Variants in KLHDC4 observed in about 807,000 individuals in gnomAD.
KLHDC4 encodes the protein kelch domain containing 4, also known as kelch domain-containing protein 4.
Under a neutral mutation model 62.4 loss-of-function variants are expected in KLHDC4, and 90 were observed. The ratio of observed to expected loss-of-function variants is 1.44; its 90% confidence interval spans 1.22 to 1.72. KLHDC4 has a LOEUF of 1.72. Ranked by LOEUF, KLHDC4 falls within the 40% of genes most tolerant of loss-of-function variation. The pLI, the probability that KLHDC4 is intolerant of heterozygous loss-of-function variation, is 0.00. For synonymous variants in KLHDC4, 386 were observed against 284.4 expected, an observed-to-expected ratio of 1.36 and a Z score of -3.59; for missense variants, 1,025 against 699.7, an observed-to-expected ratio of 1.47 and a Z score of -5.25.
Position 87,711,331 on chromosome 16 carries a change from AC to A in KLHDC4, c.947del (p.Cys316LeufsTer32). 1 of 1,614,024 alleles carries A rather than the reference AC, an allele frequency of 6.2e-7. No individual in the cohort carries two copies. The highest frequency in any genetic ancestry group is 1.1e-5 in the South Asian group (1 of 91,080). ...NHQTLFFGGV[C>X]DEEEEESLSG... Reference sequence around the variant, plus strand: ...ACAGGCTCTCCTCCTCTTCCTCGTCACAGACACCCCCGAAGAACAGTGTCTG... The same window carrying A: ...ACAGGCTCTCCTCCTCTTCCTCGTCAAGACACCCCCGAAGAACAGTGTCTG... On this transcript the variant is annotated frameshift_variant, in exon 9 of 12. Transcript: ENST00000270583. LOFTEE classifies it high-confidence loss of function.
downstream of KLHDC4, among the ~76,000 whole-genome samples, chr16:87,704,156 C>G (rs1301595224): frequency 6.6e-6 from 1 of 152,242 alleles, no homozygotes; most frequent in African/African-American, 2.4e-5. Context: ...ACGGCGCCGC[C>G]ACCTCACTCC....
intron 4 of KLHDC4, among the ~76,000 whole-genome samples, chr16:87,753,357 C>A (rs1010687899): frequency 3.9e-5 from 6 of 152,216 alleles, no homozygotes; most frequent in Non-Finnish European, 5.9e-5. Flanking sequence ...AAAGATGTCA[C>A]TGACCACACA....
At chr16:87,757,925 C>T (rs1004621583) in intron 2 of KLHDC4, among the ~76,000 whole-genome samples, 4 of 152,056 alleles carry the variant, frequency 2.6e-5, no homozygotes, top group Non-Finnish European at 5.9e-5. Flanking sequence ...ATACATAGGG[C>T]CACTTCAGTT....
Position 87,714,508 on chromosome 16 carries a change from G to A in KLHDC4, c.825C>T (p.Asp275=), listed in dbSNP as rs140242178. 2.8e-5 allele frequency: 45 copies of A among 1,614,120 alleles called. No individual in the cohort carries two copies. The highest frequency in any genetic ancestry group is 2.5e-4 in the African/African-American group (19 of 75,032). The change falls in exon 8 of 12, where the codon GAC becomes GAT. Residue 275 remains aspartate (D), a synonymous_variant. Transcript: ENST00000270583. ...HSDMFLLKPE[D]GREDKWVWTR... ...GCACAGCACCTCTACCTTCTCTTCC[G>A]TCCTCTGGCTTCAGCAGGAACATGT...
chr16:87,762,751 C>T (rs1292455336), intron 1 of KLHDC4, among the ~76,000 whole-genome samples: 2 of 152,172 alleles, frequency 1.3e-5, no homozygotes, highest in South Asian at 4.2e-4. Context: ...AGCACTGGAA[C>T]CCAGTGTTCC....
At chr16:87,729,557 T>C (rs1391205007) in intron 6 of KLHDC4, among the ~76,000 whole-genome samples, 1 of 152,222 alleles carries the variant, frequency 6.6e-6, no homozygotes, top group Non-Finnish European at 1.5e-5. Context: ...CCCTGTGTCT[T>C]GCTTTTCTGG....
intron 5 of KLHDC4, among the ~76,000 whole-genome samples, chr16:87,736,063 T>C (rs978412022): frequency 1.3e-5 from 2 of 152,230 alleles, no homozygotes; most frequent in African/African-American, 4.8e-5. Flanking sequence ...ACGCACTGCT[T>C]AATGACAGAG....
At chr16:87,760,463 C>T (rs1428165180) in intron 2 of KLHDC4, among the ~76,000 whole-genome samples, 4 of 151,432 alleles carry the variant, frequency 2.6e-5, no homozygotes, top group Non-Finnish European at 5.9e-5. Flanking sequence ...AAAAATTAGC[C>T]AGGCTTGGTG....
intron 6 of KLHDC4, among the ~76,000 whole-genome samples, chr16:87,727,163 T>C (rs1255753004): frequency 8.4e-6 from 1 of 119,744 alleles, no homozygotes; most frequent in African/African-American, 3.5e-5. Flanking sequence ...GCAATCTACC[T>C]GGAGACAGGG....
Position 87,715,960 on chromosome 16 carries a change from C to T in KLHDC4, c.760-1387G>A, listed in dbSNP as rs141015810. On this transcript the variant is annotated intron_variant, in intron 7 of 11. Coordinates refer to ENST00000270583, the MANE Select transcript of KLHDC4 (RefSeq NM_017566.4). ...TGGATATTGACACAGGCTTTGGGCA[C>T]GCTCTGTGTCTCATGGATATTGACA... Among the ~76,000 whole-genome samples the T allele has an allele frequency of 4.9e-3, 752 of 152,254 alleles. 4 individuals are homozygous for T. Among genetic ancestry groups the T allele is most frequent in the African/African-American group, 0.017 (704 of 41,540 alleles).
intron 6 of KLHDC4, among the ~76,000 whole-genome samples, chr16:87,728,546 T>C (rs919982043): frequency 2.0e-5 from 3 of 152,204 alleles, no homozygotes; most frequent in Admixed American, 2.0e-4. Context: ...ACATGAAGCA[T>C]GATTTGATTT....
At chr16:87,738,252 C>T (rs1302558215) in intron 5 of KLHDC4, among the ~76,000 whole-genome samples, 1 of 152,172 alleles carries the variant, frequency 6.6e-6, no homozygotes, top group Non-Finnish European at 1.5e-5. Flanking sequence ...GAGCCTTCTC[C>T]AGGAAACTGA....
intron 2 of KLHDC4, among the ~76,000 whole-genome samples, chr16:87,758,512 G>GA (rs1173963790): frequency 6.6e-6 from 1 of 152,210 alleles, no homozygotes; most frequent in East Asian, 1.9e-4. Flanking sequence ...CACAGTGACA[G>GA]AAAGTTGACC....
intron 5 of KLHDC4, among the ~76,000 whole-genome samples, chr16:87,738,041 C>T (rs1228722060): frequency 6.6e-6 from 1 of 152,142 alleles, no homozygotes; most frequent in Non-Finnish European, 1.5e-5. Flanking sequence ...TGTTTGCTGT[C>T]GATAGACCCC....
chr16:87,738,060 G>A (rs530277677), intron 5 of KLHDC4, among the ~76,000 whole-genome samples: 53 of 152,302 alleles, frequency 3.5e-4, no homozygotes, highest in African/African-American at 1.2e-3. Flanking sequence ...CCAGGTTACT[G>A]TGGAGTCAGA....
Position 87,708,015 on chromosome 16 carries a change from C to G in KLHDC4, c.*62G>C, listed in dbSNP as rs867003221. The G allele has an allele frequency of 1.2e-5, 6 of 495,440 alleles. No individual in the cohort carries two copies. The highest frequency in any genetic ancestry group is 1.9e-5 in the African/African-American group (1 of 51,790). 30.7% of individuals were successfully genotyped at this position (495,440 alleles called of 1,614,324 possible). On this transcript the variant is annotated 3_prime_UTR_variant, in exon 12 of 12. Coordinates refer to ENST00000270583, the MANE Select transcript of KLHDC4 (RefSeq NM_017566.4). ...CTGGCCCCAAGAGCTTCACTCAACA[C>G]GGCTGGGTCCTGGGCGGACGTGGGC... is the stretch of plus-strand genomic sequence containing the variant.
At chr16:87,713,570 G>C (rs959751017) in intron 8 of KLHDC4, among the ~76,000 whole-genome samples, 1 of 151,692 alleles carries the variant, frequency 6.6e-6, no homozygotes, top group Non-Finnish European at 1.5e-5. Flanking sequence ...CCATCCCCCC[G>C]CCCATGCTCC....
intron 7 of KLHDC4, among the ~76,000 whole-genome samples, chr16:87,714,880 G>C (rs1392631893): frequency 2.0e-5 from 3 of 152,094 alleles, no homozygotes. Context: ...CCACCACAGG[G>C]GCCTCTGATA....
chr16:87,702,351 G>A, exon 1 of KLHDC4: 1 of 449,972 alleles, frequency 2.2e-6, no homozygotes, highest in South Asian at 1.6e-5. Flanking sequence ...AGATGGGTGT[G>A]AGGGTGCAGG....
Sources: allele counts gnomAD v4.1 joint callset (sites outside exome capture counted in the v4.1 genomes callset), GRCh38; gene constraint gnomAD v4.1.1; transcripts MANE v1.5; gene names NCBI Gene and HGNC (gene_info 2026-07-23, HGNC 2026-07-21).